SPOCK1: variants seen among roughly 807,000 people sequenced by gnomAD.
The protein encoded by SPOCK1 is testican-1.
Under a neutral mutation model 55.3 loss-of-function variants are expected in SPOCK1, and 23 were observed. The ratio of observed to expected loss-of-function variants is 0.42; its 90% CI spans 0.30 to 0.59. SPOCK1 has a LOEUF of 0.59. Ranked by LOEUF, SPOCK1 falls within the 20% of genes least tolerant of loss-of-function variation. The pLI, the probability that SPOCK1 is intolerant of heterozygous loss-of-function variation, is 0.22. For synonymous variants in SPOCK1, 226 were observed against 221.0 expected (o/e 1.02, Z -0.20); for missense variants, 499 against 552.5 (o/e 0.90, Z 0.97).
In SPOCK1 at chr5:137,421,686, T is replaced by C. The variant is rs541260148; in HGVS notation, c.186+76687A>G. Among the ~76,000 whole-genome samples the C allele has an allele frequency of 3.3e-5, 5 of 152,352 alleles. No homozygotes were observed. The South Asian group carries it at 8.3e-4, about 25-fold the overall frequency. On this transcript the variant is annotated intron_variant, in intron 2 of 10. Transcript: ENST00000394945. ...TCCATCCCTTTATTTTGAGCCTATG[T>C]GTGTCTCTGCATATGACATGAGTTT...
chr5:137,318,744 T>A (rs1359464733), intron 2 of SPOCK1, among the ~76,000 whole-genome samples: 1 of 152,220 alleles, frequency 6.6e-6, no homozygotes, highest in Non-Finnish European at 1.5e-5. Flanking sequence ...GGGAGAAAGC[T>A]AAGACTCTAA....
At chr5:137,483,508 G>A (rs1249662011) in intron 2 of SPOCK1, among the ~76,000 whole-genome samples, 1 of 152,146 alleles carries the variant, frequency 6.6e-6, no homozygotes, top group Non-Finnish European at 1.5e-5. Flanking sequence ...GCCTAGGAGA[G>A]TACCTGGCAC....
intron 5 of SPOCK1, among the ~76,000 whole-genome samples, chr5:137,081,665 A>G (rs973305398): frequency 6.6e-6 from 1 of 152,246 alleles, no homozygotes; most frequent in Non-Finnish European, 1.5e-5. Context: ...AAAAATGCCA[A>G]AGCAGACTTT....
In SPOCK1 at chr5:137,142,312, TCTC is replaced by T. The variant is rs561576408; in HGVS notation, c.233-1621_233-1619del. Among the ~76,000 whole-genome samples the T allele has an allele frequency of 2.7e-4, 41 of 152,298 alleles. No homozygotes were observed. The South Asian group carries it at 6.8e-3, about 25-fold the overall frequency. ...AGCATGTAGAGGACATCACTGTTCC[TCTC>T]CTCCTGCCCAGGCCCAGAATCTGCA... On this transcript the variant is annotated intron_variant, in intron 3 of 10. Coordinates refer to ENST00000394945, the MANE Select transcript of SPOCK1 (RefSeq NM_004598.4).
intron 2 of SPOCK1, among the ~76,000 whole-genome samples, chr5:137,450,991 A>T (rs1412461062): frequency 6.6e-6 from 1 of 152,134 alleles, no homozygotes; most frequent in African/African-American, 2.4e-5. Flanking sequence ...GGCAAGAGCA[A>T]TCATGGCATT....
chr5:137,474,702 G>A (rs765570168), intron 2 of SPOCK1, among the ~76,000 whole-genome samples: 6 of 152,124 alleles, frequency 3.9e-5, no homozygotes, highest in Admixed American at 6.5e-5. Context: ...GGCTCCCATC[G>A]TCAGATTTGG....
chr5:137,308,301 C>A (rs376203581), intron 2 of SPOCK1, among the ~76,000 whole-genome samples: 1 of 152,376 alleles, frequency 6.6e-6, no homozygotes, highest in East Asian at 1.9e-4. Context: ...GATCTCAGAA[C>A]AATTCCTGGC....
At chr5:137,079,673 G>T (rs1752842067) in intron 5 of SPOCK1, among the ~76,000 whole-genome samples, 2 of 152,112 alleles carry the variant, frequency 1.3e-5, no homozygotes, top group Admixed American at 1.3e-4. Context: ...CAACAACACT[G>T]CTCTGACTCT....
intron 3 of SPOCK1, among the ~76,000 whole-genome samples, chr5:137,196,088 A>G (rs991956075): frequency 1.3e-5 from 2 of 152,192 alleles, no homozygotes; most frequent in Non-Finnish European, 2.9e-5. Context: ...CTCAAGAAAT[A>G]GAAGACCCAC....
intron 3 of SPOCK1, among the ~76,000 whole-genome samples, chr5:137,211,538 C>G (rs1255274408): frequency 6.6e-6 from 1 of 152,186 alleles, no homozygotes; most frequent in African/African-American, 2.4e-5. Flanking sequence ...CAGGCAGTTC[C>G]TAAAACCCTT....
intron 3 of SPOCK1, among the ~76,000 whole-genome samples, chr5:137,202,069 C>A (rs17171071): frequency 1.3e-5 from 2 of 152,134 alleles, no homozygotes; most frequent in Admixed American, 1.3e-4. Context: ...AGGAACAATA[C>A]GTGGCCAACC....
intron 3 of SPOCK1, among the ~76,000 whole-genome samples, chr5:137,207,471 A>T (rs758532787): frequency 2.0e-5 from 3 of 152,268 alleles, no homozygotes; most frequent in Admixed American, 6.5e-5. Flanking sequence ...AGGAAGAGGT[A>T]TAGGCTTCAG....
At chr5:137,132,171 T>A (rs1443786142) in intron 4 of SPOCK1, among the ~76,000 whole-genome samples, 1 of 57,368 alleles carries the variant, frequency 1.7e-5, no homozygotes, top group African/African-American at 7.4e-5. Context: ...CAAGACTCTG[T>A]CTCAAAAAAA....
At chr5:137,484,958 G>T (rs1445696393) in intron 2 of SPOCK1, among the ~76,000 whole-genome samples, 1 of 151,970 alleles carries the variant, frequency 6.6e-6, no homozygotes, top group South Asian at 2.1e-4. Context: ...ATGATAATAT[G>T]CTGTTTATAA....
In SPOCK1 at chr5:137,105,054, A is replaced by G. The variant is rs17703447; in HGVS notation, c.474+7381T>C. 7.6e-4 allele frequency among the ~76,000 whole-genome samples: 116 copies of G among 152,208 alleles called. No individual in the cohort carries two copies. The East Asian group carries it at 0.022, about 29-fold the overall frequency. ...TCTGCACAAGACTCTTTTCCCCACT[A>G]CCATCCAAGAGTAGGCATGGATGAA... On this transcript the variant is annotated intron_variant, in intron 5 of 10. Coordinates refer to ENST00000394945, the MANE Select transcript of SPOCK1 (RefSeq NM_004598.4).
chr5:137,382,052 A>G (rs1353151695), intron 2 of SPOCK1, among the ~76,000 whole-genome samples: 3 of 152,222 alleles, frequency 2.0e-5, no homozygotes, highest in Non-Finnish European at 2.9e-5. Flanking sequence ...CACATCTTGA[A>G]TGCTTTGCTG....
At chr5:137,433,393 G>A (rs1434481401) in intron 2 of SPOCK1, among the ~76,000 whole-genome samples, 4 of 152,182 alleles carry the variant, frequency 2.6e-5, no homozygotes, top group African/African-American at 7.2e-5. Flanking sequence ...GAGGGCAGGA[G>A]ATAAAGATGT....
chr5:136,996,312 C>G (rs1751039184), intron 6 of SPOCK1, among the ~76,000 whole-genome samples: 1 of 152,146 alleles, frequency 6.6e-6, no homozygotes, highest in African/African-American at 2.4e-5. Flanking sequence ...GCAATCCCGG[C>G]AATTTCTGGA....
At chr5:137,106,268 G>A (rs928860412) in intron 5 of SPOCK1, among the ~76,000 whole-genome samples, 11 of 152,128 alleles carry the variant, frequency 7.2e-5, no homozygotes, top group African/African-American at 2.7e-4. Context: ...GCCTGAGACT[G>A]CCCACTTGGG....
Sources: allele counts gnomAD v4.1 joint callset (sites outside exome capture counted in the v4.1 genomes callset), GRCh38; gene constraint gnomAD v4.1.1; transcripts MANE v1.5; gene names NCBI Gene and HGNC (gene_info 2026-07-23, HGNC 2026-07-21).